Variants in AGBL4 observed in about 807,000 individuals in gnomAD.
AGBL4 encodes AGBL carboxypeptidase 4, also known as cytosolic carboxypeptidase 6.
Under a neutral mutation model 66.4 loss-of-function variants are expected in AGBL4, and 58 were observed. That is an observed-to-expected ratio of 0.87 (90% confidence interval 0.71 to 1.09). AGBL4 has a LOEUF of 1.09. Among genes scored for constraint, AGBL4 ranks in the 50% least tolerant of loss-of-function variants. The probability of loss-of-function intolerance (pLI) is 0.00; values close to 1 mark genes in which losing one functional copy is unlikely to be tolerated. For synonymous variants in AGBL4, 234 were observed against 222.9 expected, an observed-to-expected ratio of 1.05 and a Z score of -0.44; for missense variants, 579 against 631.0, an observed-to-expected ratio of 0.92 and a Z score of 0.88.
At chr1:48,616,324 G>A (rs1035389088) in intron 9 of AGBL4, among the ~76,000 whole-genome samples, 1 of 152,174 alleles carries the variant, frequency 6.6e-6, no homozygotes, top group African/African-American at 2.4e-5. Context: ...TCTACAACCA[G>A]AGACGTTCAG....
Position 48,590,792 on chromosome 1 carries a change from GT to G in AGBL4, c.1104+40del, listed in dbSNP as rs987444296. The G allele has an allele frequency of 5.8e-6, 9 of 1,559,874 alleles. No homozygotes were observed. The Admixed American group carries it at 1.5e-4, about 26-fold the overall frequency. ...GAGAAGGAAGACGGGGAGGCAGGGT[GT>G]GGGGGGCTGGGGCTGGCTGAGAGAG... On this transcript the variant is annotated intron_variant, in intron 10 of 13. Transcript: ENST00000371839.
chr1:48,924,073 CTT>C (rs894334389), intron 5 of AGBL4, among the ~76,000 whole-genome samples: 1 of 152,058 alleles, frequency 6.6e-6, no homozygotes, highest in African/African-American at 2.4e-5. Context: ...GTTCAGATCT[CTT>C]TGATATTTTG....
intron 2 of AGBL4, among the ~76,000 whole-genome samples, chr1:49,700,725 G>A (rs1282977673): frequency 6.6e-6 from 1 of 152,000 alleles, no homozygotes; most frequent in African/African-American, 2.4e-5. Flanking sequence ...GAATCAAAAT[G>A]TGTAAAATAT....
chr1:48,605,890 T>A (rs1645147459), intron 9 of AGBL4, among the ~76,000 whole-genome samples: 1 of 152,232 alleles, frequency 6.6e-6, no homozygotes, highest in Non-Finnish European at 1.5e-5. Context: ...TCTCTTTTTT[T>A]CTTCTTCTTG....
chr1:49,926,504 C>T (rs1226631184), intron 1 of AGBL4, among the ~76,000 whole-genome samples: 12 of 152,154 alleles, frequency 7.9e-5, no homozygotes, highest in Admixed American at 7.2e-4. Flanking sequence ...ACATCCACAA[C>T]ATTAAAACCA....
At chr1:48,982,723 G>C (rs556572987) in intron 5 of AGBL4, among the ~76,000 whole-genome samples, 3 of 152,136 alleles carry the variant, frequency 2.0e-5, no homozygotes, top group Non-Finnish European at 4.4e-5. Context: ...ACCCAGTAAT[G>C]GGATGGCTGG....
chr1:49,637,710 A>ACAGAC (rs1645704247), intron 3 of AGBL4, among the ~76,000 whole-genome samples: 1 of 152,160 alleles, frequency 6.6e-6, no homozygotes, highest in Non-Finnish European at 1.5e-5. Context: ...TATCTGTTAC[A>ACAGAC]CAGACTGAAA....
chr1:49,880,484 T>C (rs1249891249), intron 1 of AGBL4, among the ~76,000 whole-genome samples: 1 of 151,976 alleles, frequency 6.6e-6, no homozygotes, highest in Non-Finnish European at 1.5e-5. Flanking sequence ...GGGGTCGGGG[T>C]CAGGGACCCA....
At chr1:49,167,789 A>C (rs1646661134) in intron 4 of AGBL4, among the ~76,000 whole-genome samples, 1 of 152,254 alleles carries the variant, frequency 6.6e-6, no homozygotes, top group Non-Finnish European at 1.5e-5. Context: ...TCCATGCTTC[A>C]TGAAACACTC....
At chr1:48,754,592 G>A (rs1652246405) in intron 6 of AGBL4, among the ~76,000 whole-genome samples, 1 of 152,160 alleles carries the variant, frequency 6.6e-6, no homozygotes, top group African/African-American at 2.4e-5. Context: ...AAAGGAAAAG[G>A]GGACTGGCAT....
At chr1:48,790,125 T>C (rs1326530596) in intron 6 of AGBL4, among the ~76,000 whole-genome samples, 1 of 152,000 alleles carries the variant, frequency 6.6e-6, no homozygotes, top group East Asian at 1.9e-4. Context: ...GCTAAACAAT[T>C]TGGACCTGTG....
intron 6 of AGBL4, among the ~76,000 whole-genome samples, chr1:48,772,761 T>C (rs1424172715): frequency 2.6e-5 from 4 of 152,168 alleles, no homozygotes; most frequent in African/African-American, 7.2e-5. Flanking sequence ...ACTGCTTCAA[T>C]AGTTTAGATA....
intron 2 of AGBL4, among the ~76,000 whole-genome samples, chr1:49,706,169 G>A (rs189148009): frequency 2.0e-4 from 31 of 152,176 alleles, no homozygotes; most frequent in Admixed American, 5.9e-4. Context: ...CTGTGAATCT[G>A]TCTAGTCCTG....
intron 6 of AGBL4, among the ~76,000 whole-genome samples, chr1:48,688,962 A>AGTG (rs1557879987): frequency 6.6e-6 from 1 of 152,082 alleles, no homozygotes; most frequent in Admixed American, 6.6e-5. Flanking sequence ...TCTATCAGGC[A>AGTG]GTGGACATCT....
intron 3 of AGBL4, among the ~76,000 whole-genome samples, chr1:49,674,937 G>C (rs1275740006): frequency 6.6e-6 from 1 of 152,120 alleles, no homozygotes; most frequent in African/African-American, 2.4e-5. Context: ...ATGAGCTTTT[G>C]ACATTTGAGT....
intron 2 of AGBL4, among the ~76,000 whole-genome samples, chr1:49,722,780 A>G (rs1332950205): frequency 6.6e-6 from 1 of 152,088 alleles, no homozygotes; most frequent in East Asian, 1.9e-4. Context: ...CTCTGAAAAG[A>G]TTTTTACATT....
At chr1:48,526,298 C>G in the AGBL4 span, among the ~76,000 whole-genome samples, 2 of 152,208 alleles carry the variant, frequency 1.3e-5, no homozygotes, top group Non-Finnish European at 2.9e-5. Context: ...AGTCTGATGA[C>G]TCCCAGGCTC....
intron 3 of AGBL4, among the ~76,000 whole-genome samples, chr1:49,441,115 A>C (rs1196991760): frequency 6.6e-6 from 1 of 152,156 alleles, no homozygotes; most frequent in African/African-American, 2.4e-5. Flanking sequence ...TGTTAGCTTC[A>C]AGACATATGA....
At chr1:49,109,848 CTA>C (rs1479530764) in intron 4 of AGBL4, among the ~76,000 whole-genome samples, 2 of 152,114 alleles carry the variant, frequency 1.3e-5, no homozygotes, top group Non-Finnish European at 2.9e-5. Context: ...AACCCCAATA[CTA>C]TGTTTTTAGC....
Sources: gnomAD v4.1 joint callset for allele counts (sites outside exome capture counted in the v4.1 genomes callset) on GRCh38, gnomAD v4.1.1 for gene constraint, MANE v1.5 for transcripts, NCBI Gene and HGNC (gene_info 2026-07-23, HGNC 2026-07-21) for gene names.